Variants in VPS33A observed in about 807,000 individuals in gnomAD.
The protein encoded by VPS33A is vacuolar protein sorting-associated protein 33A.
Under a neutral mutation model 71.8 loss-of-function variants are expected in VPS33A, and 32 were observed. The observed-to-expected ratio is 0.45, with a 90% CI of 0.34 to 0.60. VPS33A has a LOEUF of 0.60. VPS33A is among the 20% of genes least tolerant of loss of function. The pLI is 0.02. For missense variants in VPS33A, 625 were observed against 748.5 expected, an observed-to-expected ratio of 0.84 and a Z score of 1.92; for synonymous variants, 311 against 292.7, an observed-to-expected ratio of 1.06 and a Z score of -0.64.
Position 122,231,920 on chromosome 12 carries a change from G to A in VPS33A, c.*326C>T. 2.6e-6 allele frequency: 1 copy of A among 388,380 alleles called. No homozygotes were observed. Among genetic ancestry groups the A allele is most frequent in the East Asian group, 3.7e-5 (1 of 27,308 alleles). 24.1% of individuals were successfully genotyped at this position (388,380 alleles called of 1,614,324 possible). A position where few individuals can be genotyped will look rare whatever the true frequency, so the allele number is the denominator to read the frequency against. On this transcript the variant is annotated 3_prime_UTR_variant, in exon 13 of 13. Coordinates refer to ENST00000267199, the MANE Select transcript of VPS33A (RefSeq NM_022916.6). ...AAAAATACAAAAATTAGCCGGGTGT[G>A]GTGGTGCATGCCTGTAGTCCCAGCT...
chr12:122,266,491 A>G lies in VPS33A; in HGVS notation c.-83T>C, dbSNP rs1205352178. ...GGACCACGGACGCAGTCACGTGACC[A>G]AACGTCCACGTGACCGGTACGGCAG... On this transcript the variant is annotated 5_prime_UTR_variant, in exon 1 of 13. Coordinates refer to ENST00000267199, the MANE Select transcript of VPS33A (RefSeq NM_022916.6). 6 of 1,543,678 alleles carry G rather than the reference A, an allele frequency of 3.9e-6. No homozygotes were observed. The East Asian group carries it at 1.5e-4, about 37-fold the overall frequency.
chr12:122,235,359 G>C (rs535254220), intron 11 of VPS33A, among the ~76,000 whole-genome samples: 1 of 151,102 alleles, frequency 6.6e-6, no homozygotes, highest in African/African-American at 2.4e-5. Flanking sequence ...CCGCCTCCCA[G>C]GTTCAAGCAA....
chr12:122,266,226 G>A, intron 1 of VPS33A, 81 bp downstream of exon 1: 1 of 1,553,346 alleles, frequency 6.4e-7, no homozygotes, highest in Non-Finnish European at 8.7e-7. Flanking sequence ...CATAAACCGC[G>A]AACTCAGGCG....
chr12:122,261,601 G>A (rs143084157), intron 3 of VPS33A, among the ~76,000 whole-genome samples, 154 bp from the exon 4 acceptor site: 1 of 152,168 alleles, frequency 6.6e-6, no homozygotes, highest in African/African-American at 2.4e-5. Context: ...GGGTGCAGTG[G>A]CTCACACCTG....
At chr12:122,266,029 C>T (rs185891686) in intron 1 of VPS33A, among the ~76,000 whole-genome samples, 1 of 152,210 alleles carries the variant, frequency 6.6e-6, no homozygotes, top group African/African-American at 2.4e-5. Flanking sequence ...GGAGGAAACA[C>T]CTGACGTAAA....
intron 9 of VPS33A, 46 bp from the exon 10 acceptor site, chr12:122,238,770 T>TATACATACACACACAC (rs879059947): frequency 9.2e-6 from 8 of 872,996 alleles, no homozygotes; most frequent in South Asian, 7.6e-5. Context: ...TACATATACA[T>TATACATACACACACAC]ACACACACAC....
chr12:122,240,036 C>G, intron 8 of VPS33A, 91 bp from the exon 9 acceptor site: 1 of 1,011,056 alleles, frequency 9.9e-7, no homozygotes, highest in Non-Finnish European at 1.5e-6. Context: ...GATTCAGAAA[C>G]TAGACATGTG....
At chr12:122,255,524 T>C (rs953020275) in intron 4 of VPS33A, among the ~76,000 whole-genome samples, 1 of 151,914 alleles carries the variant, frequency 6.6e-6, no homozygotes, top group African/African-American at 2.4e-5. Context: ...GCCAACATGG[T>C]GAAACCCCGT....
chr12:122,247,396 G>A (rs999909154), intron 6 of VPS33A, among the ~76,000 whole-genome samples: 23 of 151,942 alleles, frequency 1.5e-4, no homozygotes, highest in Admixed American at 2.6e-4. Context: ...CATGCTCTGG[G>A]ACCACCCTGT....
chr12:122,252,042 G>C (rs1428724957), intron 4 of VPS33A, among the ~76,000 whole-genome samples: 1 of 152,022 alleles, frequency 6.6e-6, no homozygotes, highest in Non-Finnish European at 1.5e-5. Context: ...AGGATTGCTT[G>C]AGCTCTTGAG....
rs1250683443 is a variant in VPS33A at position 122,266,489 on chromosome 12, C to T, written c.-81G>A. 1 of 1,544,972 alleles carries T rather than the reference C, an allele frequency of 6.5e-7. No homozygotes were observed. Among genetic ancestry groups the T allele is most frequent in the Non-Finnish European group, 8.8e-7 (1 of 1,139,418 alleles). ...GAGGACCACGGACGCAGTCACGTGACCAAACGTCCACGTGACCGGTACGGC... is the reference window on the plus strand; with the variant it reads ...GAGGACCACGGACGCAGTCACGTGATCAAACGTCCACGTGACCGGTACGGC... On this transcript the variant is annotated 5_prime_UTR_variant, in exon 1 of 13. Coordinates refer to ENST00000267199, the MANE Select transcript of VPS33A (RefSeq NM_022916.6).
chr12:122,250,079 C>G, intron 5 of VPS33A, 34 bp from the exon 6 acceptor site: 3 of 1,543,262 alleles, frequency 1.9e-6, no homozygotes, highest in Non-Finnish European at 2.6e-6. Flanking sequence ...GTGGGGCCCC[C>G]CTGGGAACAA....
intron 4 of VPS33A, among the ~76,000 whole-genome samples, chr12:122,252,512 C>T (rs1006406068): frequency 3.6e-4 from 55 of 151,896 alleles, no homozygotes; most frequent in Admixed American, 3.1e-3. Flanking sequence ...CCTCGTGATC[C>T]GCCCACCTCG....
At chr12:122,247,498 CA>C (rs1410202252) in intron 6 of VPS33A, among the ~76,000 whole-genome samples, 3 of 152,120 alleles carry the variant, frequency 2.0e-5, no homozygotes, top group African/African-American at 7.2e-5. Flanking sequence ...TTAAAGGTGC[CA>C]TTTTTTTGAC....
At chr12:122,260,444 G>C (rs920638606) in intron 4 of VPS33A, among the ~76,000 whole-genome samples, 14 of 151,700 alleles carry the variant, frequency 9.2e-5, no homozygotes, top group African/African-American at 3.4e-4. Flanking sequence ...GGACCACAGG[G>C]ACCCACCACC....
chr12:122,258,701 C>G (rs1369253018), intron 4 of VPS33A, among the ~76,000 whole-genome samples: 6 of 151,976 alleles, frequency 3.9e-5, no homozygotes, highest in Non-Finnish European at 8.8e-5. Context: ...GAATAACAGG[C>G]CAGGCATGGT....
At chr12:122,259,844 G>A (rs779211086) in intron 4 of VPS33A, among the ~76,000 whole-genome samples, 1 of 151,386 alleles carries the variant, frequency 6.6e-6, no homozygotes, top group Non-Finnish European at 1.5e-5. Flanking sequence ...ATAATAAGAC[G>A]CTGTCTCTCC....
At position 122,232,167 on chromosome 12, in the gene VPS33A, G is replaced by A. The variant is rs1229361499; in HGVS notation, c.*79C>T. The A allele has an allele frequency of 4.5e-6, 6 of 1,337,356 alleles. No homozygotes were observed. Among genetic ancestry groups the A allele is most frequent in the Admixed American group, 4.6e-5 (2 of 43,280 alleles). The allele number at this position is 1,337,356 out of a possible 1,614,324, so 82.8% of individuals were successfully genotyped here. On this transcript the variant is annotated 3_prime_UTR_variant, in exon 13 of 13. Transcript: ENST00000267199. The stretch of plus-strand genomic sequence containing the variant: ...TCTGTATTCCCATGTTTCTTCTATG[G>A]GGTTTTACTTCCTTTCAGCAATTTC...
In VPS33A at chr12:122,266,479, A is replaced by G. The variant is rs1349411407; in HGVS notation, c.-71T>C. Reference sequence around the variant, plus strand: ...GTTCCTACGGGAGGACCACGGACGCAGTCACGTGACCAAACGTCCACGTGA... The same window carrying G: ...GTTCCTACGGGAGGACCACGGACGCGGTCACGTGACCAAACGTCCACGTGA... On this transcript the variant is annotated 5_prime_UTR_variant, in exon 1 of 13. Transcript: ENST00000267199. 1.4e-5 allele frequency: 22 copies of G among 1,561,438 alleles called. No individual in the cohort carries two copies. The highest frequency in any genetic ancestry group is 9.5e-5 in the East Asian group (4 of 42,246).
Sources: gnomAD v4.1 joint callset for allele counts (sites outside exome capture counted in the v4.1 genomes callset) on GRCh38, gnomAD v4.1.1 for gene constraint, MANE v1.5 for transcripts, NCBI Gene and HGNC (gene_info 2026-07-23, HGNC 2026-07-21) for gene names.